Variants in PRPF6 observed in about 807,000 individuals in gnomAD.
The protein encoded by PRPF6 is pre-mRNA processing factor 6, also known as pre-mRNA-processing factor 6.
Under a neutral mutation model 118.3 loss-of-function variants are expected in PRPF6, and 42 were observed. That is an observed-to-expected ratio of 0.35 (90% CI 0.28 to 0.46). The LOEUF is 0.46. Among genes scored for constraint, PRPF6 ranks in the 20% least tolerant of loss-of-function variants. PRPF6 has a pLI of 1.00. For synonymous variants in PRPF6, 481 were observed against 485.1 expected (o/e 0.99, Z 0.11); for missense variants, 662 against 1,255.7 (o/e 0.53, Z 7.15).
chr20:64,026,049 C>T lies in PRPF6; in HGVS notation c.2019C>T (p.Pro673=), dbSNP rs1376428266. 7 of 1,605,688 alleles carry T rather than the reference C, an allele frequency of 4.4e-6. No homozygotes were observed. Among genetic ancestry groups the T allele is most frequent in the Non-Finnish European group, 5.9e-6 (7 of 1,179,754 alleles). Residue 673 remains proline, a synonymous_variant, in exon 15 of 21, where the codon CCC becomes CCT. Coordinates refer to ENST00000266079, the MANE Select transcript of PRPF6 (RefSeq NM_012469.4). The surrounding 1 kb of genome is among the most constrained non-coding windows in gnomAD (Gnocchi z 4.4). ...RLLAKARSSA[P]TARVFMKSVK... ...TGGCCAAGGCGCGGAGCAGTGCCCCCACCGCCCGGGTACGCAGTGGCAGGC... is the reference window on the plus strand; with the variant it reads ...TGGCCAAGGCGCGGAGCAGTGCCCCTACCGCCCGGGTACGCAGTGGCAGGC...
Position 64,010,183 on chromosome 20 carries a change from C to A in PRPF6, c.1187-17C>A. 1 of 1,605,838 alleles carries A rather than the reference C, an allele frequency of 6.2e-7. No homozygotes were observed. Among genetic ancestry groups the A allele is most frequent in the South Asian group, 1.1e-5 (1 of 90,922 alleles). ...TCTCCTTTTCTGTGACGTGGTTTCT[C>A]GTTTGACCTTTCCTAGCCCTCGAGC... On this transcript the variant is annotated splice_polypyrimidine_tract_variant and intron_variant, in intron 9 of 20. Coordinates refer to ENST00000266079, the MANE Select transcript of PRPF6 (RefSeq NM_012469.4).
chr20:64,010,088 G>A (rs1477150038), intron 9 of PRPF6, 112 bp from the exon 10 acceptor site: 5 of 920,636 alleles, frequency 5.4e-6, no homozygotes, highest in Admixed American at 3.4e-5. Flanking sequence ...TGTGGTCCCT[G>A]ACTGTCAACC....
chr20:64,002,730 G>A (rs1219954296), intron 9 of PRPF6, among the ~76,000 whole-genome samples: 1 of 141,706 alleles, frequency 7.1e-6, no homozygotes, highest in African/African-American at 2.7e-5. Context: ...TGCAACCTCC[G>A]CCTCCTGGGT....
At position 64,027,498 on chromosome 20, in the gene PRPF6, G is replaced by A; in HGVS notation, c.2206-105G>A. On this transcript the variant is annotated intron_variant, in intron 16 of 20. Transcript: ENST00000266079. The surrounding 1 kb of genome is among the most constrained non-coding windows in gnomAD (Gnocchi z 6.5). ...GGGGTGTTTTTCCATGGACATGGCA[G>A]CCCTGAGGGACTCGGTCACCCACTG... The A allele has an allele frequency of 6.6e-7, 1 of 1,517,388 alleles. No homozygotes were observed. Among genetic ancestry groups the A allele is most frequent in the Non-Finnish European group, 9.1e-7 (1 of 1,093,776 alleles). 94.0% of individuals were successfully genotyped at this position (1,517,388 alleles called of 1,614,324 possible).
intron 3 of PRPF6, among the ~76,000 whole-genome samples, chr20:63,985,289 G>A (rs546433193): frequency 6.6e-6 from 1 of 151,550 alleles, no homozygotes; most frequent in Admixed American, 6.6e-5. Flanking sequence ...AGCCCAGGAG[G>A]TAGAAACTGC....
chr20:63,993,920 T>C (rs2059130136), intron 4 of PRPF6, among the ~76,000 whole-genome samples: 1 of 151,674 alleles, frequency 6.6e-6, no homozygotes, highest in African/African-American at 2.4e-5. Context: ...CAGCTAATTT[T>C]TGTATTTTTA....
chr20:63,982,387 G>T (rs944551553), intron 1 of PRPF6, among the ~76,000 whole-genome samples: 19 of 151,940 alleles, frequency 1.3e-4, no homozygotes, highest in African/African-American at 4.6e-4. Context: ...GGCCAGGGGG[G>T]TCTTGAACTC....
rs984291226 is a variant in PRPF6 at position 64,023,183 on chromosome 20, C to T, written c.1769+305C>T. ...TGGGTATAGACTTGAGGCTGGAGCC[C>T]GCGTGGCCCATGGCCGAGCACTGGC... On this transcript the variant is annotated intron_variant, in intron 13 of 20. Transcript: ENST00000266079. Among the ~76,000 whole-genome samples the T allele has an allele frequency of 7.9e-5, 12 of 152,358 alleles. No individual in the cohort carries two copies. The East Asian group carries it at 1.4e-3, about 17-fold the overall frequency.
chr20:64,000,967 C>G (rs2059163898), intron 8 of PRPF6, 110 bp from the exon 9 acceptor site: 5 of 1,242,878 alleles, frequency 4.0e-6, no homozygotes, highest in Middle Eastern at 2.4e-4. Flanking sequence ...AGCTAATTGG[C>G]TTTCGTAAAT....
Position 64,027,650 on chromosome 20 carries a change from G to A in PRPF6, c.2253G>A (p.Arg751=), listed in dbSNP as rs142435866. 3 of 1,614,000 alleles carry A rather than the reference G, an allele frequency of 1.9e-6. No individual in the cohort carries two copies. Among genetic ancestry groups the A allele is most frequent in the Admixed American group, 1.7e-5 (1 of 60,000 alleles). Residue 751 remains arginine (R), a synonymous_variant, in exon 17 of 21, where the codon CGG becomes CGA. Transcript: ENST00000266079. This position sits in a 1 kb window ranked among gnomAD's most constrained non-coding sequence, Gnocchi z 6.5. ...HSTPLWLLLS[R]LEEKIGQLTR... is the part of the protein sequence containing the mutation. ...CACCCCTGTGGCTTTTGCTCTCTCG[G>A]CTGGAGGAGAAGATTGGGCAGCTTA...
intron 9 of PRPF6, among the ~76,000 whole-genome samples, chr20:64,007,781 CT>C (rs1465269593): frequency 6.6e-6 from 1 of 151,860 alleles, no homozygotes; most frequent in Non-Finnish European, 1.5e-5. Context: ...GGCCTAATTT[CT>C]TTTTCTTTTT....
At chr20:63,985,303 G>A (rs2059088415) in intron 3 of PRPF6, among the ~76,000 whole-genome samples, 1 of 151,534 alleles carries the variant, frequency 6.6e-6, no homozygotes, top group Non-Finnish European at 1.5e-5. Flanking sequence ...AAACTGCAGT[G>A]AGCCATGATC....
intron 12 of PRPF6, among the ~76,000 whole-genome samples, chr20:64,018,855 G>T (rs1417356996): frequency 6.6e-6 from 1 of 152,106 alleles, no homozygotes; most frequent in Non-Finnish European, 1.5e-5. Flanking sequence ...CTTCATCCGT[G>T]TGCGTTCACT....
intron 1 of PRPF6, among the ~76,000 whole-genome samples, chr20:63,981,813 A>G (rs770328188): frequency 6.6e-6 from 1 of 151,868 alleles, no homozygotes; most frequent in Non-Finnish European, 1.5e-5. Context: ...GTGGTATTAT[A>G]TTGGAATCTG....
In PRPF6 at chr20:64,001,253, G is replaced by C. The variant is rs763593522; in HGVS notation, c.1186+14G>C. The C allele has an allele frequency of 4.3e-6, 7 of 1,614,112 alleles. No individual in the cohort carries two copies. The Admixed American group carries it at 1.2e-4, about 27-fold the overall frequency. Reference sequence around the variant, plus strand: ...TTCTTCGGAAAGGTGAGCCTCCCTCGGAGGTGCTGCTTTCTCCCTCCTTGG... The same window carrying C: ...TTCTTCGGAAAGGTGAGCCTCCCTCCGAGGTGCTGCTTTCTCCCTCCTTGG... On this transcript the variant is annotated intron_variant, in intron 9 of 20. Transcript: ENST00000266079.
intron 9 of PRPF6, among the ~76,000 whole-genome samples, chr20:64,005,939 C>T (rs1348203637): frequency 2.6e-5 from 4 of 152,060 alleles, no homozygotes; most frequent in Non-Finnish European, 5.9e-5. Context: ...CTCCCTGTGT[C>T]ATCCAGGCTG....
Position 64,028,712 on chromosome 20 carries a change from C to A in PRPF6, c.2431+143C>A. 1.2e-6 allele frequency: 1 copy of A among 837,646 alleles called. No homozygotes were observed. The highest frequency in any genetic ancestry group is 1.9e-6 in the Non-Finnish European group (1 of 530,814). 51.9% of individuals were successfully genotyped at this position (837,646 alleles called of 1,614,324 possible). A position where few individuals can be genotyped will look rare whatever the true frequency, so the allele number is the denominator to read the frequency against. ...AGGGAGTGGGGGCTCAGGCTTCAGA[C>A]GGACTTTATTAAAATGTGTAGTTTG... is the stretch of plus-strand genomic sequence containing the variant. On this transcript the variant is annotated intron_variant, in intron 18 of 20. Coordinates refer to ENST00000266079, the MANE Select transcript of PRPF6 (RefSeq NM_012469.4). This position sits in a 1 kb window ranked among gnomAD's most constrained non-coding sequence, Gnocchi z 6.5.
chr20:64,004,798 C>G (rs545139479), intron 9 of PRPF6, among the ~76,000 whole-genome samples: 1 of 152,178 alleles, frequency 6.6e-6, no homozygotes, highest in African/African-American at 2.4e-5. Context: ...ACTGGCAGCT[C>G]CCCTACAATA....
Position 64,029,758 on chromosome 20 carries a change from C to T in PRPF6, c.2546+267C>T, listed in dbSNP as rs896595579. ...CGCCGGGTCACAGACTCACTGGGGA[C>T]GCGTGTGATTCACACTGGTGCGCTG... is the stretch of plus-strand genomic sequence containing the variant. On this transcript the variant is annotated intron_variant, in intron 19 of 20. Coordinates refer to ENST00000266079, the MANE Select transcript of PRPF6 (RefSeq NM_012469.4). This position sits in a 1 kb window ranked among gnomAD's most constrained non-coding sequence, Gnocchi z 4.8. Among the ~76,000 whole-genome samples the T allele has an allele frequency of 6.2e-5, 7 of 112,896 alleles. No homozygotes were observed. The highest frequency in any genetic ancestry group is 1.2e-4 in the Non-Finnish European group (6 of 49,546). The allele number at this position is 112,896 out of a possible 152,430, so 74.1% of individuals were successfully genotyped here. A position where few individuals can be genotyped will look rare whatever the true frequency, so the allele number is the denominator to read the frequency against.
Sources: gnomAD v4.1 joint callset for allele counts (sites outside exome capture counted in the v4.1 genomes callset) on GRCh38, gnomAD v4.1.1 for gene constraint, Gnocchi (gnomAD v3.1) non-coding constraint, MANE v1.5 for transcripts, NCBI Gene and HGNC (gene_info 2026-07-23, HGNC 2026-07-21) for gene names.